The following PLCL2 variants were observed in gnomAD, a reference collection of about 807,000 sequenced individuals.
PLCL2 encodes the protein phospholipase C like 2, also known as inactive phospholipase C-like protein 2.
A neutral mutation model predicts 79.6 loss-of-function variants in PLCL2; 4 were observed. The ratio of observed to expected loss-of-function variants is 0.05; its 90% CI spans 0.02 to 0.11. The LOEUF is 0.11. PLCL2 is among the 10% of genes least tolerant of loss of function. The probability of loss-of-function intolerance (pLI) is 1.00; values close to 1 mark genes in which losing one functional copy is unlikely to be tolerated. For synonymous variants in PLCL2, 484 were observed against 457.7 expected (o/e 1.06, Z -0.73); for missense variants, 895 against 1,291.0 (o/e 0.69, Z 4.70).
chr3:16,985,598 A>G (rs565186294), intron 1 of PLCL2, among the ~76,000 whole-genome samples: 1 of 152,282 alleles, frequency 6.6e-6, no homozygotes, highest in East Asian at 1.9e-4. Context: ...TGTACTCCCA[A>G]TGCTTTTGTC....
At chr3:16,888,320 A>C (rs977698558) in intron 1 of PLCL2, among the ~76,000 whole-genome samples, 1 of 152,232 alleles carries the variant, frequency 6.6e-6, no homozygotes. Context: ...TTTTCTGCCA[A>C]AATAGATGCA....
intron 1 of PLCL2, among the ~76,000 whole-genome samples, chr3:16,931,205 A>G (rs936566843): frequency 6.6e-6 from 1 of 150,990 alleles, no homozygotes; most frequent in African/African-American, 2.4e-5. Context: ...GTAAAATTTT[A>G]TTTGAAGGTC....
intron 1 of PLCL2, among the ~76,000 whole-genome samples, chr3:16,933,940 G>A (rs1697474321): frequency 1.3e-5 from 2 of 152,110 alleles, no homozygotes; most frequent in South Asian, 4.1e-4. Context: ...GATGGTGGGT[G>A]CCTGTAATCC....
chr3:17,045,264 G>A (rs1367322285), intron 4 of PLCL2, among the ~76,000 whole-genome samples: 3 of 152,072 alleles, frequency 2.0e-5, no homozygotes, highest in Non-Finnish European at 2.9e-5. Flanking sequence ...GATGTATTTC[G>A]AATTTTAAAG....
chr3:16,885,523 G>C (rs996621126), intron 1 of PLCL2, among the ~76,000 whole-genome samples, 157 bp downstream of exon 1: 5 of 152,244 alleles, frequency 3.3e-5, no homozygotes, highest in Non-Finnish European at 1.5e-5. Flanking sequence ...GATGCAAATG[G>C]CATGTGGAAA....
intron 5 of PLCL2, among the ~76,000 whole-genome samples, chr3:17,070,337 A>G (rs567519167): frequency 6.6e-6 from 1 of 152,354 alleles, no homozygotes; most frequent in East Asian, 1.9e-4. Flanking sequence ...AACAGCTGAC[A>G]TAAAGCAGTG....
chr3:16,902,936 C>T (rs956512360), intron 1 of PLCL2, among the ~76,000 whole-genome samples: 11 of 150,426 alleles, frequency 7.3e-5, no homozygotes, highest in Non-Finnish European at 1.5e-4. Context: ...TGTTAGTCTG[C>T]CTCTACCCTC....
chr3:17,082,875 A>AAT (rs768253472), intron 5 of PLCL2, among the ~76,000 whole-genome samples: 48 of 152,248 alleles, frequency 3.2e-4, no homozygotes, highest in Admixed American at 1.8e-3. Context: ...ACCTATTTGT[A>AAT]ATATATATAT....
intron 1 of PLCL2, among the ~76,000 whole-genome samples, chr3:16,975,536 A>G (rs2063916587): frequency 6.6e-6 from 1 of 152,218 alleles, no homozygotes; most frequent in Admixed American, 6.5e-5. Flanking sequence ...TCAAACTGGC[A>G]GAAGGGTCTG....
At chr3:16,983,669 C>T (rs900957451) in intron 1 of PLCL2, among the ~76,000 whole-genome samples, 1 of 152,124 alleles carries the variant, frequency 6.6e-6, no homozygotes, top group Non-Finnish European at 1.5e-5. Context: ...TGCTCTAACT[C>T]TAACCAAATG....
intron 1 of PLCL2, among the ~76,000 whole-genome samples, chr3:16,908,652 G>A (rs903228285): frequency 3.3e-5 from 5 of 152,134 alleles, no homozygotes; most frequent in African/African-American, 9.7e-5. Flanking sequence ...AGCATAAGCC[G>A]GGACCCGTGA....
At chr3:16,888,860 A>G (rs1696282198) in intron 1 of PLCL2, among the ~76,000 whole-genome samples, 1 of 152,224 alleles carries the variant, frequency 6.6e-6, no homozygotes, top group African/African-American at 2.4e-5. Flanking sequence ...TGATACTTTA[A>G]AAAATGAGGT....
chr3:17,065,928 T>C (rs1188790181), intron 4 of PLCL2, among the ~76,000 whole-genome samples: 1 of 152,222 alleles, frequency 6.6e-6, no homozygotes, highest in Non-Finnish European at 1.5e-5. Context: ...TATGAGAATA[T>C]GGTACCTCCT....
chr3:16,891,855 TC>T (rs1696359580), intron 1 of PLCL2, among the ~76,000 whole-genome samples: 1 of 152,220 alleles, frequency 6.6e-6, no homozygotes, highest in African/African-American at 2.4e-5. Flanking sequence ...CACCTCTGTT[TC>T]CTCAGGTTTC....
chr3:17,037,872 C>A (rs1325870394), intron 3 of PLCL2, among the ~76,000 whole-genome samples: 4 of 151,890 alleles, frequency 2.6e-5, no homozygotes, highest in Non-Finnish European at 5.9e-5. Flanking sequence ...AAGCAAGTTT[C>A]AAAACAGAAT....
chr3:17,069,992 T>C (rs2065047511), intron 5 of PLCL2, among the ~76,000 whole-genome samples: 1 of 152,232 alleles, frequency 6.6e-6, no homozygotes, highest in African/African-American at 2.4e-5. Flanking sequence ...ATAAATTTCC[T>C]GTAAACTCAA....
intron 3 of PLCL2, among the ~76,000 whole-genome samples, chr3:17,017,329 C>T (rs555330124): frequency 6.6e-6 from 1 of 152,108 alleles, no homozygotes; most frequent in South Asian, 2.1e-4. Flanking sequence ...CCTAATTTAT[C>T]GATATGTTCT....
intron 1 of PLCL2, among the ~76,000 whole-genome samples, chr3:16,934,593 A>C (rs1477558844): frequency 1.3e-5 from 2 of 152,188 alleles, no homozygotes; most frequent in Non-Finnish European, 2.9e-5. Flanking sequence ...GACCTTTATC[A>C]GGAGTGGGAG....
intron 1 of PLCL2, among the ~76,000 whole-genome samples, chr3:16,894,363 G>C (rs558048021): frequency 2.6e-5 from 4 of 152,222 alleles, no homozygotes; most frequent in South Asian, 4.1e-4. Flanking sequence ...TTGATGATTT[G>C]TTGAAAGAGA....
Sources: allele counts gnomAD v4.1 joint callset (sites outside exome capture counted in the v4.1 genomes callset), GRCh38; gene constraint gnomAD v4.1.1; transcripts MANE v1.5; gene names NCBI Gene and HGNC (gene_info 2026-07-23, HGNC 2026-07-21).